NKAIN2: variants seen among roughly 807,000 people sequenced by gnomAD.
NKAIN2 encodes the protein sodium/potassium transporting ATPase interacting 2.
Under a neutral mutation model 32.6 loss-of-function variants are expected in NKAIN2, and 14 were observed. The observed-to-expected ratio is 0.43, with a 90% CI of 0.28 to 0.67. The LOEUF (loss-of-function observed/expected upper bound fraction) is 0.67. Among genes scored for constraint, NKAIN2 ranks in the 30% least tolerant of loss-of-function variants. NKAIN2 has a pLI of 0.17. For synonymous variants in NKAIN2, 80 were observed against 87.2 expected (o/e 0.92, Z 0.46); for missense variants, 198 against 258.3 (o/e 0.77, Z 1.60).
At chr6:124,473,964 T>C (rs62437484) in intron 3 of NKAIN2, among the ~76,000 whole-genome samples, 6,886 of 152,276 alleles carry the variant, frequency 0.045, 266 homozygotes, top group Non-Finnish European at 0.066. Flanking sequence ...TAACCAATAA[T>C]TGATCGTTTC....
intron 2 of NKAIN2, among the ~76,000 whole-genome samples, chr6:124,345,044 G>C (rs567004913): frequency 8.3e-4 from 126 of 152,130 alleles, no homozygotes; most frequent in African/African-American, 2.4e-3. Flanking sequence ...TAGCATGAAG[G>C]GTTGTTGAAT....
intron 2 of NKAIN2, among the ~76,000 whole-genome samples, chr6:124,348,786 G>T (rs1391083667): frequency 2.0e-5 from 3 of 152,244 alleles, no homozygotes; most frequent in Admixed American, 2.0e-4. Context: ...AGCCGAAGCA[G>T]GGCGAGGCAT....
chr6:123,918,999 C>T (rs1264212016), intron 1 of NKAIN2, among the ~76,000 whole-genome samples: 1 of 152,086 alleles, frequency 6.6e-6, no homozygotes, highest in Non-Finnish European at 1.5e-5. Flanking sequence ...CTCTCTGTCT[C>T]TCTCTCTCTC....
At chr6:124,087,681 A>C (rs1784245460) in intron 1 of NKAIN2, among the ~76,000 whole-genome samples, 1 of 151,996 alleles carries the variant, frequency 6.6e-6, no homozygotes. Context: ...CCTTAAAAAT[A>C]GTCTATTAAA....
intron 4 of NKAIN2, chr6:124,658,667 C>A: frequency 1.5e-6 from 1 of 675,182 alleles, no homozygotes; most frequent in Non-Finnish European, 2.3e-6. Context: ...TTTTGGTAGA[C>A]TTTTCCAAGG....
At chr6:124,347,959 T>C (rs550627785) in intron 2 of NKAIN2, among the ~76,000 whole-genome samples, 1 of 152,282 alleles carries the variant, frequency 6.6e-6, no homozygotes, top group Admixed American at 6.5e-5. Context: ...TCACCATCTT[T>C]GTGGTTTTAT....
intron 3 of NKAIN2, among the ~76,000 whole-genome samples, chr6:124,414,116 A>C (rs1774351262): frequency 6.6e-6 from 1 of 151,992 alleles, no homozygotes; most frequent in African/African-American, 2.4e-5. Flanking sequence ...TCCTGATCTT[A>C]GAGGGAACAC....
intron 1 of NKAIN2, among the ~76,000 whole-genome samples, chr6:124,252,655 G>C (rs571725042): frequency 6.6e-6 from 1 of 152,244 alleles, no homozygotes; most frequent in African/African-American, 2.4e-5. Flanking sequence ...ATTAGTTAAA[G>C]TATATTCCAA....
At chr6:124,604,728 T>A (rs1782434539) in intron 3 of NKAIN2, among the ~76,000 whole-genome samples, 1 of 151,998 alleles carries the variant, frequency 6.6e-6, no homozygotes, top group Non-Finnish European at 1.5e-5. Context: ...CCTATTTGAG[T>A]GGAGCAATGA....
intron 3 of NKAIN2, among the ~76,000 whole-genome samples, chr6:124,544,790 C>T (rs1780035498): frequency 6.6e-6 from 1 of 151,990 alleles, no homozygotes; most frequent in African/African-American, 2.4e-5. Context: ...ACTTGAGATC[C>T]CTAGCTTTTA....
At chr6:124,383,337 A>AGGGT (rs1772730818) in intron 3 of NKAIN2, among the ~76,000 whole-genome samples, 3 of 152,164 alleles carry the variant, frequency 2.0e-5, no homozygotes, top group South Asian at 4.1e-4. Context: ...CACTGGAAAC[A>AGGGT]GGGTGATCTT....
At chr6:124,515,708 T>TCTTTCCCTTCTTTCTCTG (rs1778884180) in intron 3 of NKAIN2, among the ~76,000 whole-genome samples, 1 of 3,438 alleles carries the variant, frequency 2.9e-4, no homozygotes, top group African/African-American at 3.1e-4. Context: ...TTTTCTTCGC[T>TCTTTCCCTTCTTTCTCTG]TTCTCTCCGT....
In NKAIN2 at chr6:123,804,181, T is replaced by C. The variant is rs934143874; in HGVS notation, c.-20T>C. 3 of 1,612,564 alleles carry C rather than the reference T, an allele frequency of 1.9e-6. No individual in the cohort carries two copies. The African/African-American group carries it at 4.0e-5, about 22-fold the overall frequency. ...TGGCCGACGTGGGACAGTCTGGCTG[T>C]GGCAGGGGTCTCGGAAACCATGGGT... On this transcript the variant is annotated 5_prime_UTR_variant, in exon 1 of 7. Coordinates refer to ENST00000368417, the MANE Select transcript of NKAIN2 (RefSeq NM_001040214.3).
At chr6:124,533,104 T>C (rs1372004163) in intron 3 of NKAIN2, among the ~76,000 whole-genome samples, 5 of 152,132 alleles carry the variant, frequency 3.3e-5, no homozygotes, top group Admixed American at 1.3e-4. Context: ...GTTTCTAGCT[T>C]TCTCTTGGAG....
chr6:123,903,119 A>G (rs1240208308), intron 1 of NKAIN2, among the ~76,000 whole-genome samples: 1 of 152,236 alleles, frequency 6.6e-6, no homozygotes, highest in African/African-American at 2.4e-5. Flanking sequence ...ATTGATTGAT[A>G]GTGAGTGAAA....
intron 1 of NKAIN2, among the ~76,000 whole-genome samples, chr6:124,212,445 A>G (rs1458171086): frequency 1.3e-5 from 2 of 152,210 alleles, no homozygotes; most frequent in African/African-American, 4.8e-5. Flanking sequence ...ATTAGTTAAT[A>G]GAGTGTTAGA....
rs549784053 is a variant in NKAIN2, at chr6:124,088,464, A to C, written c.55-194541A>C. ...AGGAGCTCAATGTGGAGAAATACAAAATTGACATTTATCTTAGAGGTGTCT... is the reference window on the plus strand; with the variant it reads ...AGGAGCTCAATGTGGAGAAATACAACATTGACATTTATCTTAGAGGTGTCT... On this transcript the variant is annotated intron_variant, in intron 1 of 6. Coordinates refer to ENST00000368417, the MANE Select transcript of NKAIN2 (RefSeq NM_001040214.3). Among the ~76,000 whole-genome samples the C allele has an allele frequency of 5.3e-5, 8 of 152,078 alleles. No homozygotes were observed. In the South Asian group the frequency reaches 1.7e-3, roughly 32 times the overall value.
At chr6:124,547,632 A>T (rs1306720523) in intron 3 of NKAIN2, among the ~76,000 whole-genome samples, 1 of 152,200 alleles carries the variant, frequency 6.6e-6, no homozygotes, top group African/African-American at 2.4e-5. Flanking sequence ...TAAAAACTGT[A>T]CTTAAAGAAG....
chr6:123,962,456 A>C (rs567084646), intron 1 of NKAIN2, among the ~76,000 whole-genome samples: 1 of 152,244 alleles, frequency 6.6e-6, no homozygotes, highest in Non-Finnish European at 1.5e-5. Flanking sequence ...TGAGTCCTTT[A>C]TAACCCTATT....
Sources: gnomAD v4.1 joint callset for allele counts (sites outside exome capture counted in the v4.1 genomes callset) on GRCh38, gnomAD v4.1.1 for gene constraint, MANE v1.5 for transcripts, NCBI Gene and HGNC (gene_info 2026-07-23, HGNC 2026-07-21) for gene names.